The following FSTL4 variants were observed in gnomAD, a reference collection of about 807,000 sequenced individuals.
FSTL4 encodes the protein follistatin like 4.
FSTL4 carries 28 observed loss-of-function variants against 78.2 expected under a neutral mutation model. The observed-to-expected ratio is 0.36, with a 90% confidence interval of 0.27 to 0.49. The LOEUF (loss-of-function observed/expected upper bound fraction) is 0.49, where lower values mean the gene tolerates loss of function less well. Among genes scored for constraint, FSTL4 ranks in the 20% least tolerant of loss-of-function variants. FSTL4 has a pLI of 0.98. For missense variants in FSTL4, 922 were observed against 1,084.9 expected (o/e 0.85, Z 2.11); for synonymous variants, 422 against 440.5 (o/e 0.96, Z 0.53).
intron 3 of FSTL4, among the ~76,000 whole-genome samples, chr5:133,545,257 A>C (rs1759552900): frequency 6.6e-6 from 1 of 152,128 alleles, no homozygotes; most frequent in South Asian, 2.1e-4. Context: ...CTGGTGTGGC[A>C]GTGTTGGGGG....
intron 6 of FSTL4, 66 bp from the exon 7 acceptor site, chr5:133,249,642 G>C: frequency 7.9e-7 from 1 of 1,268,334 alleles, no homozygotes; most frequent in Admixed American, 2.0e-5. Flanking sequence ...AACTCAAGGT[G>C]AATAGCCATG....
intron 3 of FSTL4, among the ~76,000 whole-genome samples, chr5:133,467,347 T>C (rs931776023): frequency 6.6e-6 from 1 of 152,006 alleles, no homozygotes; most frequent in Non-Finnish European, 1.5e-5. Flanking sequence ...AGAGTGAAGG[T>C]GTGAGAAGCC....
the FSTL4 span, among the ~76,000 whole-genome samples, chr5:133,662,905 C>T: frequency 6.6e-6 from 1 of 152,096 alleles, no homozygotes. Flanking sequence ...AAATTTAACG[C>T]CATCCAATAA....
the FSTL4 span, among the ~76,000 whole-genome samples, chr5:133,774,491 G>A: frequency 2.6e-5 from 4 of 152,142 alleles, no homozygotes; most frequent in African/African-American, 9.7e-5. Flanking sequence ...AGTTAGTAGT[G>A]CTGAAGTTAA....
At chr5:133,290,535 C>G (rs1250929799) in intron 6 of FSTL4, among the ~76,000 whole-genome samples, 3 of 152,224 alleles carry the variant, frequency 2.0e-5, no homozygotes, top group Non-Finnish European at 4.4e-5. Flanking sequence ...ACTGGGGCCC[C>G]AGGGAGTTGT....
chr5:133,210,026 G>C (rs1750651736), intron 14 of FSTL4, 165 bp downstream of exon 14: 5 of 533,644 alleles, frequency 9.4e-6, no homozygotes, highest in Non-Finnish European at 1.7e-5. Context: ...TTGCCTGTGA[G>C]GGGCATTGGC....
chr5:133,397,324 A>G (rs762181617), intron 4 of FSTL4, among the ~76,000 whole-genome samples: 1 of 152,224 alleles, frequency 6.6e-6, no homozygotes, highest in Non-Finnish European at 1.5e-5. Context: ...TAATTTTGCT[A>G]CAAGAAGAGA....
the FSTL4 span, among the ~76,000 whole-genome samples, chr5:133,803,540 G>C: frequency 6.6e-6 from 1 of 152,122 alleles, no homozygotes; most frequent in Non-Finnish European, 1.5e-5. Flanking sequence ...TGGAGTCCCA[G>C]ACCGTCTCTC....
chr5:133,736,139 A>C, the FSTL4 span, among the ~76,000 whole-genome samples: 6 of 152,172 alleles, frequency 3.9e-5, no homozygotes, highest in African/African-American at 1.4e-4. Context: ...GCTTCCAAGG[A>C]GTATAGGCCT....
intron 3 of FSTL4, among the ~76,000 whole-genome samples, chr5:133,407,721 A>C (rs947144003): frequency 1.3e-5 from 2 of 152,342 alleles, no homozygotes; most frequent in Non-Finnish European, 2.9e-5. Context: ...ATAGGTTTCT[A>C]CATATTGTCT....
chr5:133,752,604 T>C, the FSTL4 span, among the ~76,000 whole-genome samples: 2 of 151,448 alleles, frequency 1.3e-5, no homozygotes, highest in African/African-American at 4.9e-5. Context: ...AGCGAGGCTC[T>C]GTCTCAAATA....
At chr5:133,679,422 C>T in the FSTL4 span, among the ~76,000 whole-genome samples, 17 of 152,140 alleles carry the variant, frequency 1.1e-4, no homozygotes, top group African/African-American at 2.9e-4. Context: ...CATGCTAACT[C>T]CTTTTTGCAC....
chr5:133,435,026 C>T (rs1185401505), intron 3 of FSTL4, among the ~76,000 whole-genome samples: 2 of 152,118 alleles, frequency 1.3e-5, no homozygotes, highest in East Asian at 1.9e-4. Flanking sequence ...TCATTCATAA[C>T]TCCAACTATT....
the FSTL4 span, among the ~76,000 whole-genome samples, chr5:133,633,838 C>T: frequency 6.6e-6 from 1 of 151,770 alleles, no homozygotes; most frequent in African/African-American, 2.4e-5. Context: ...AAGTTCAATA[C>T]TTAGTGTCCG....
At chr5:133,580,194 T>C (rs1760370678) in intron 2 of FSTL4, among the ~76,000 whole-genome samples, 2 of 152,094 alleles carry the variant, frequency 1.3e-5, no homozygotes, top group South Asian at 4.2e-4. Context: ...CTCTGGCCCC[T>C]CTTCACTTCC....
chr5:133,541,330 C>T (rs1183800112), intron 3 of FSTL4, among the ~76,000 whole-genome samples: 1 of 152,122 alleles, frequency 6.6e-6, no homozygotes, highest in African/African-American at 2.4e-5. Context: ...AGGCTCTTTC[C>T]ATGTGGTTCT....
At chr5:133,624,368 C>A in the FSTL4 span, among the ~76,000 whole-genome samples, 2 of 151,820 alleles carry the variant, frequency 1.3e-5, no homozygotes, top group Admixed American at 1.3e-4. Context: ...TTATATAATT[C>A]TTTTAATATG....
At chr5:133,574,861 C>G (rs981952812) in intron 2 of FSTL4, 1 of 152,148 alleles carries the variant, frequency 6.6e-6, no homozygotes, top group African/African-American at 2.4e-5. Flanking sequence ...TTATAAATCT[C>G]AGAAACAAGC....
At chr5:133,609,964 A>T (rs906381277) in intron 1 of FSTL4, among the ~76,000 whole-genome samples, 2 of 152,228 alleles carry the variant, frequency 1.3e-5, no homozygotes, top group African/African-American at 4.8e-5. Flanking sequence ...ACCGCACATA[A>T]GCAACTCAAG....
Sources: gnomAD v4.1 joint callset for allele counts (sites outside exome capture counted in the v4.1 genomes callset) on GRCh38, gnomAD v4.1.1 for gene constraint, MANE v1.5 for transcripts, NCBI Gene and HGNC (gene_info 2026-07-23, HGNC 2026-07-21) for gene names.